The following JAM2 variants were observed in gnomAD, a reference collection of about 807,000 sequenced individuals.
The protein encoded by JAM2 is junctional adhesion molecule 2.
JAM2 carries 17 observed loss-of-function variants against 42.0 expected under a neutral mutation model. The observed-to-expected ratio is 0.40, with a 90% CI of 0.28 to 0.61. The LOEUF is 0.61. JAM2 is among the 20% of genes least tolerant of loss of function. The pLI, the probability that JAM2 is intolerant of heterozygous loss-of-function variation, is 0.37. For synonymous variants in JAM2, 118 were observed against 128.6 expected, an observed-to-expected ratio of 0.92 and a Z score of 0.56; for missense variants, 319 against 358.3, an observed-to-expected ratio of 0.89 and a Z score of 0.89.
intron 1 of JAM2, among the ~76,000 whole-genome samples, chr21:25,667,806 AT>A (rs1420400048): frequency 6.6e-6 from 1 of 152,210 alleles, no homozygotes; most frequent in Non-Finnish European, 1.5e-5. Flanking sequence ...AGTAGCCAAA[AT>A]AAAGGGCCCC....
chr21:25,696,352 C>CCGCT (rs765902722), intron 4 of JAM2, among the ~76,000 whole-genome samples: 27 of 152,124 alleles, frequency 1.8e-4, no homozygotes, highest in Non-Finnish European at 2.9e-4. Flanking sequence ...AGTCCAGCTT[C>CCGCT]CGCTCGGCAT....
intron 2 of JAM2, among the ~76,000 whole-genome samples, chr21:25,687,057 A>C (rs371463309): frequency 6.6e-6 from 1 of 152,188 alleles, no homozygotes. Flanking sequence ...ATTTTTTGCT[A>C]TCTCCTACAG....
intron 1 of JAM2, among the ~76,000 whole-genome samples, chr21:25,669,494 T>C (rs2033307267): frequency 6.6e-6 from 1 of 152,228 alleles, no homozygotes; most frequent in African/African-American, 2.4e-5. Flanking sequence ...TGTGAAATGT[T>C]CTATCTGCGT....
At chr21:25,711,898 TA>T (rs1435329071) in intron 8 of JAM2, 1 of 211,880 alleles carries the variant, frequency 4.7e-6, no homozygotes, top group Non-Finnish European at 9.6e-6. Flanking sequence ...TCACATTCAT[TA>T]AATCTGTGGC....
intron 1 of JAM2, among the ~76,000 whole-genome samples, chr21:25,661,497 CT>C (rs1187061390): frequency 1.3e-5 from 2 of 151,970 alleles, no homozygotes; most frequent in Non-Finnish European, 2.9e-5. Context: ...TAAGTGTAGA[CT>C]TCATTGTGTC....
chr21:25,643,401 T>G (rs1002384676), intron 1 of JAM2: 1 of 152,246 alleles, frequency 6.6e-6, no homozygotes, highest in African/African-American at 2.4e-5. Context: ...TCCTCAGATC[T>G]GGACTGGAAC....
chr21:25,644,866 TTTTGTTTG>T (rs57234199), intron 1 of JAM2, among the ~76,000 whole-genome samples: 2,468 of 151,424 alleles, frequency 0.016, 74 homozygotes, highest in African/African-American at 0.057. Flanking sequence ...GGTTTTTTGG[TTTTGTTTG>T]TTTGTTTGTT....
chr21:25,653,127 C>T (rs990385655), intron 1 of JAM2, among the ~76,000 whole-genome samples: 2 of 152,168 alleles, frequency 1.3e-5, no homozygotes, highest in East Asian at 1.9e-4. Context: ...AAGCACATCA[C>T]GTGGCCAAAC....
chr21:25,660,324 G>C (rs2033044355), intron 1 of JAM2, among the ~76,000 whole-genome samples: 2 of 152,174 alleles, frequency 1.3e-5, no homozygotes, highest in Non-Finnish European at 2.9e-5. Context: ...TACGTTAGCT[G>C]TATAAGACAA....
intron 1 of JAM2, among the ~76,000 whole-genome samples, chr21:25,671,990 G>T (rs1268435415): frequency 6.6e-6 from 1 of 152,218 alleles, no homozygotes; most frequent in Non-Finnish European, 1.5e-5. Context: ...AAACTACAAA[G>T]ATATAAAGGA....
At chr21:25,702,321 T>C (rs771909385) in intron 6 of JAM2, 52 bp downstream of exon 6, 1 of 1,163,164 alleles carries the variant, frequency 8.6e-7, no homozygotes, top group Non-Finnish European at 1.3e-6. Context: ...GACTGTGAAG[T>C]ACAGCAGTTG....
intron 1 of JAM2, among the ~76,000 whole-genome samples, chr21:25,669,320 C>T (rs2033298661): frequency 6.6e-6 from 1 of 151,432 alleles, no homozygotes; most frequent in Admixed American, 6.6e-5. Flanking sequence ...TGCAGTGACC[C>T]ATGATTGCGC....
intron 1 of JAM2, among the ~76,000 whole-genome samples, chr21:25,662,908 A>G (rs955135446): frequency 1.3e-5 from 2 of 152,234 alleles, no homozygotes; most frequent in Admixed American, 6.5e-5. Flanking sequence ...TCCTAACACT[A>G]TCCAATGGGA....
At chr21:25,694,495 G>C (rs546293622) in intron 4 of JAM2, among the ~76,000 whole-genome samples, 1 of 152,290 alleles carries the variant, frequency 6.6e-6, no homozygotes, top group South Asian at 2.1e-4. Context: ...TTTGAATCCA[G>C]ATGGGGTTAA....
intron 7 of JAM2, among the ~76,000 whole-genome samples, chr21:25,707,118 TAA>T: frequency 6.6e-6 from 1 of 152,166 alleles, no homozygotes. Context: ...TTGAAATAAA[TAA>T]GTGAAATATT....
intron 5 of JAM2, among the ~76,000 whole-genome samples, chr21:25,700,567 G>A (rs1403726073): frequency 1.3e-5 from 2 of 152,126 alleles, no homozygotes; most frequent in Non-Finnish European, 2.9e-5. Flanking sequence ...CTCCATGTTG[G>A]CCAGGCTGGT....
chr21:25,677,431 G>C (rs1335370921), intron 1 of JAM2, among the ~76,000 whole-genome samples: 2 of 152,116 alleles, frequency 1.3e-5, no homozygotes, highest in Non-Finnish European at 2.9e-5. Context: ...ATTTTTCACA[G>C]AAATTTTATA....
intron 1 of JAM2, among the ~76,000 whole-genome samples, chr21:25,662,733 A>T (rs2033121028): frequency 6.6e-6 from 1 of 152,166 alleles, no homozygotes; most frequent in Non-Finnish European, 1.5e-5. Flanking sequence ...TATTATATGT[A>T]AATATAGCTT....
At chr21:25,699,272 A>C (rs2034107531) in intron 5 of JAM2, among the ~76,000 whole-genome samples, 1 of 152,198 alleles carries the variant, frequency 6.6e-6, no homozygotes, top group African/African-American at 2.4e-5. Flanking sequence ...CTGGCTCTTT[A>C]AAGGAAATGT....
Sources: allele counts gnomAD v4.1 joint callset (sites outside exome capture counted in the v4.1 genomes callset), GRCh38; gene constraint gnomAD v4.1.1; transcripts MANE v1.5; gene names NCBI Gene and HGNC (gene_info 2026-07-23, HGNC 2026-07-21).